The following CNTN4 variants were observed in gnomAD, a reference collection of about 807,000 sequenced individuals.
CNTN4 encodes contactin-4.
In CNTN4, 77 loss-of-function variants were observed where a neutral mutation model predicts 122.5. The observed-to-expected ratio is 0.63, with a 90% confidence interval of 0.52 to 0.76. The LOEUF is 0.76. Ranked by LOEUF, CNTN4 falls within the 30% of genes least tolerant of loss-of-function variation. The pLI, the probability that CNTN4 is intolerant of heterozygous loss-of-function variation, is 0.00. For missense variants in CNTN4, 1,256 were observed against 1,259.1 expected, an observed-to-expected ratio of 1.00 and a Z score of 0.04; for synonymous variants, 512 against 447.0, an observed-to-expected ratio of 1.15 and a Z score of -1.83.
At chr3:2,820,052 C>T (rs948522959) in intron 7 of CNTN4, among the ~76,000 whole-genome samples, 11 of 152,128 alleles carry the variant, frequency 7.2e-5, no homozygotes, top group Admixed American at 3.3e-4. Flanking sequence ...GGCTGTCCAA[C>T]GATTCAATTC....
At chr3:2,571,122 G>A (rs1232192438) in intron 3 of CNTN4, among the ~76,000 whole-genome samples, 1 of 152,130 alleles carries the variant, frequency 6.6e-6, no homozygotes, top group Non-Finnish European at 1.5e-5. Context: ...ACCTTGCAAA[G>A]CATAGTGCAT....
intron 14 of CNTN4, among the ~76,000 whole-genome samples, chr3:3,013,584 G>T (rs944576320): frequency 6.6e-6 from 1 of 152,062 alleles, no homozygotes; most frequent in Non-Finnish European, 1.5e-5. Context: ...ATTGCATCCT[G>T]CATGAAAAGT....
At chr3:2,649,941 C>T (rs896341649) in intron 4 of CNTN4, among the ~76,000 whole-genome samples, 2 of 150,548 alleles carry the variant, frequency 1.3e-5, no homozygotes, top group Non-Finnish European at 3.0e-5. Context: ...CCAGCCTGAC[C>T]AACATGGTGA....
chr3:3,006,827 A>G (rs1194263364), intron 14 of CNTN4, among the ~76,000 whole-genome samples: 1 of 152,210 alleles, frequency 6.6e-6, no homozygotes, highest in African/African-American at 2.4e-5. Flanking sequence ...GGGAGGTCCA[A>G]CCTGTTATAA....
chr3:2,800,315 T>G (rs1425884270), intron 6 of CNTN4, among the ~76,000 whole-genome samples: 1 of 152,184 alleles, frequency 6.6e-6, no homozygotes, highest in Non-Finnish European at 1.5e-5. Context: ...TTCTTTCTTC[T>G]CTCAAAATCT....
intron 2 of CNTN4, among the ~76,000 whole-genome samples, chr3:2,135,591 A>G (rs1340601511): frequency 6.6e-6 from 1 of 152,104 alleles, no homozygotes; most frequent in East Asian, 1.9e-4. Context: ...TATTTGTTGT[A>G]TTTCCGAGGC....
chr3:2,428,768 G>T (rs143074730), intron 3 of CNTN4, among the ~76,000 whole-genome samples: 2 of 152,190 alleles, frequency 1.3e-5, no homozygotes, highest in African/African-American at 2.4e-5. Flanking sequence ...GGCTTTGTTC[G>T]TTTCTTTTTA....
chr3:2,446,400 C>T (rs1038446698), intron 3 of CNTN4, among the ~76,000 whole-genome samples: 7 of 152,108 alleles, frequency 4.6e-5, no homozygotes, highest in African/African-American at 1.7e-4. Flanking sequence ...AGTGTAGAAT[C>T]TGTTTTTCTC....
chr3:2,126,731 A>C (rs1318928264), intron 2 of CNTN4, among the ~76,000 whole-genome samples: 1 of 152,198 alleles, frequency 6.6e-6, no homozygotes, highest in Non-Finnish European at 1.5e-5. Context: ...AAACTCATCA[A>C]GTAATATTTT....
chr3:2,543,868 G>C (rs2078131682), intron 3 of CNTN4, among the ~76,000 whole-genome samples: 1 of 152,152 alleles, frequency 6.6e-6, no homozygotes, highest in Non-Finnish European at 1.5e-5. Flanking sequence ...AATATTACCT[G>C]GTTGATTTCC....
At chr3:2,553,425 C>T (rs1289283663) in intron 3 of CNTN4, among the ~76,000 whole-genome samples, 1 of 152,168 alleles carries the variant, frequency 6.6e-6, no homozygotes, top group Non-Finnish European at 1.5e-5. Flanking sequence ...TTGGGCCTTT[C>T]ATCTCAAGAA....
chr3:2,838,181 C>T (rs970254614), intron 7 of CNTN4, among the ~76,000 whole-genome samples: 2 of 152,134 alleles, frequency 1.3e-5, no homozygotes, highest in Admixed American at 6.5e-5. Flanking sequence ...CTAAGTAGAT[C>T]CATAAAGCTT....
chr3:2,651,686 T>C (rs1171308162), intron 4 of CNTN4, among the ~76,000 whole-genome samples: 1 of 151,244 alleles, frequency 6.6e-6, no homozygotes, highest in Non-Finnish European at 1.5e-5. Context: ...CCTCCATCTC[T>C]ACAATTTTTT....
At chr3:2,851,226 C>A (rs572328025) in intron 7 of CNTN4, among the ~76,000 whole-genome samples, 1 of 152,294 alleles carries the variant, frequency 6.6e-6, no homozygotes, top group African/African-American at 2.4e-5. Flanking sequence ...ATCCATCTCT[C>A]GTGGATGTTA....
At chr3:2,384,754 ATG>A (rs551578723) in intron 3 of CNTN4, among the ~76,000 whole-genome samples, 1 of 135,396 alleles carries the variant, frequency 7.4e-6, no homozygotes, top group Non-Finnish European at 1.6e-5. Context: ...TAACAACTCA[ATG>A]TGTGCGTGTG....
intron 2 of CNTN4, among the ~76,000 whole-genome samples, chr3:2,188,494 G>A (rs2037376827): frequency 6.6e-6 from 1 of 152,120 alleles, no homozygotes. Context: ...AAGATCTCTG[G>A]GCCTCAGTGG....
intron 14 of CNTN4, among the ~76,000 whole-genome samples, chr3:2,990,371 T>C (rs1468720339): frequency 6.6e-6 from 1 of 152,200 alleles, no homozygotes; most frequent in Non-Finnish European, 1.5e-5. Context: ...CATAGAGAAG[T>C]GAGCCTATAA....
chr3:2,667,394 G>C (rs2084233595), intron 4 of CNTN4, among the ~76,000 whole-genome samples: 1 of 152,104 alleles, frequency 6.6e-6, no homozygotes. Context: ...GTCTTCTTTT[G>C]AGAACTGTCT....
intron 2 of CNTN4, among the ~76,000 whole-genome samples, chr3:2,120,736 C>T (rs908586628): frequency 4.6e-5 from 7 of 151,906 alleles, no homozygotes; most frequent in African/African-American, 7.3e-5. Flanking sequence ...ATGTGACTCT[C>T]ACGAGTGTGG....
Sources: gnomAD v4.1 joint callset for allele counts (sites outside exome capture counted in the v4.1 genomes callset) on GRCh38, gnomAD v4.1.1 for gene constraint, MANE v1.5 for transcripts, NCBI Gene and HGNC (gene_info 2026-07-23, HGNC 2026-07-21) for gene names.